Variants in SRI observed in about 807,000 individuals in gnomAD.
The protein encoded by SRI is sorcin, also known as 22 kDa protein.
SRI carries 30 observed loss-of-function variants against 33.3 expected under a neutral mutation model. The observed-to-expected ratio is 0.90, with a 90% CI of 0.67 to 1.22. The LOEUF is 1.22. Ranked by LOEUF, SRI falls within the 50% of genes most tolerant of loss-of-function variation. The pLI is 0.00. For missense variants in SRI, 243 were observed against 250.8 expected (o/e 0.97, Z 0.21); for synonymous variants, 75 against 89.9 (o/e 0.83, Z 0.94).
At chr7:88,215,462 A>C (rs747767151) in intron 3 of SRI, among the ~76,000 whole-genome samples, 6 of 152,244 alleles carry the variant, frequency 3.9e-5, no homozygotes, top group Non-Finnish European at 8.8e-5. Flanking sequence ...CCCTGCTAAT[A>C]GGCAGGCCTA....
In SRI at chr7:88,217,191, C is replaced by G; in HGVS notation, c.136G>C (p.Asp46His). 6.2e-7 allele frequency: 1 copy of G among 1,611,746 alleles called. No homozygotes were observed. Among genetic ancestry groups the G allele is most frequent in the Non-Finnish European group, 8.5e-7 (1 of 1,179,638 alleles). Residue 46 changes from aspartate (D) to histidine (H), a missense_variant and splice_region_variant, in exon 3 of 8, where the codon GAT becomes CAT. Coordinates refer to ENST00000265729, the MANE Select transcript of SRI (RefSeq NM_003130.4). Reference protein sequence around the residue: ...YGYFAAVAGQDGQIDADELQR... With the variant: ...YGYFAAVAGQHGQIDADELQR... Reference sequence around the variant, plus strand: ...AATTCATCAGCATCTATCTGCCCATCCTTTTGAAAAAAAATTAGAGGAATC... The same window carrying G: ...AATTCATCAGCATCTATCTGCCCATGCTTTTGAAAAAAAATTAGAGGAATC...
chr7:88,207,987 CAAA>C (rs878930622), intron 7 of SRI: 43 of 122,338 alleles, frequency 3.5e-4, no homozygotes, highest in African/African-American at 1.2e-3. Flanking sequence ...GACTCCATCT[CAAA>C]AAAAAAAAAA....
rs1185552123 is a variant in SRI, at chr7:88,210,940, A to C, written c.206-15T>G. On this transcript the variant is annotated splice_polypyrimidine_tract_variant and intron_variant, in intron 3 of 7. Coordinates refer to ENST00000265729, the MANE Select transcript of SRI (RefSeq NM_003130.4). ...CAGGTTAAAAGCTGTTAAATCAAGA[A>C]AAGTACATACATATTAACACAAATC... 1 of 1,611,600 alleles carries C rather than the reference A, an allele frequency of 6.2e-7. No homozygotes were observed. The highest frequency in any genetic ancestry group is 1.7e-5 in the Admixed American group (1 of 60,004).
chr7:88,218,692 C>A, intron 2 of SRI, 167 bp downstream of exon 2: 1 of 610,976 alleles, frequency 1.6e-6, no homozygotes, highest in South Asian at 1.8e-5. Context: ...CTCATTTATT[C>A]TGAACATTCA....
At chr7:88,221,809 G>A (rs113014393), upstream of SRI, among the ~76,000 whole-genome samples, 429 of 150,534 alleles carry the variant, frequency 2.8e-3, 2 homozygotes, top group African/African-American at 0.01. Flanking sequence ...TCTAGCATTA[G>A]GTATATCTCC....
At chr7:88,221,976 A>G (rs1851898563), upstream of SRI, among the ~76,000 whole-genome samples, 3 of 148,286 alleles carry the variant, frequency 2.0e-5, no homozygotes, top group South Asian at 6.7e-4. Context: ...ACTGAGAATG[A>G]TGATTTCCAA....
upstream of SRI, chr7:88,220,090 C>T (rs913249341): frequency 1.0e-5 from 15 of 1,455,480 alleles, no homozygotes; most frequent in African/African-American, 1.5e-5. Context: ...CCTGCCCCGC[C>T]CCGCCCTGCC....
upstream of SRI, among the ~76,000 whole-genome samples, chr7:88,221,689 A>AT (rs200024309): frequency 1.1e-3 from 167 of 151,464 alleles, 1 homozygote; most frequent in African/African-American, 3.6e-3. Flanking sequence ...AAAGAATTGA[A>AT]TTTTTTTTTT....
At chr7:88,226,890 A>G (rs1852010908) in intron 1 of SRI, 8 of 1,612,086 alleles carry the variant, frequency 5.0e-6, no homozygotes, top group Middle Eastern at 1.7e-4. Context: ...CTAATATTAT[A>G]TACATATCAT....
At chr7:88,226,562 A>T (rs1325126054) in intron 1 of SRI, among the ~76,000 whole-genome samples, 2 of 152,214 alleles carry the variant, frequency 1.3e-5, no homozygotes, top group African/African-American at 2.4e-5. Flanking sequence ...AGGAAGAATG[A>T]CTGTTCTTGA....
rs778621866 is a variant in SRI, at chr7:88,209,436, G to A, written c.414C>T (p.Pro138=). The A allele has an allele frequency of 6.2e-7, 1 of 1,613,764 alleles. No individual in the cohort carries two copies. Among genetic ancestry groups the A allele is most frequent in the Non-Finnish European group, 8.5e-7 (1 of 1,179,788 alleles). Residue 138 remains proline (P), a synonymous_variant, in exon 6 of 8, where the codon CCC becomes CCT. Coordinates refer to ENST00000265729, the MANE Select transcript of SRI (RefSeq NM_003130.4). ...GTTTTGCAATTGAATTCACAGCCTG[G>A]GGACTCAACCTAAATCCTAAAAGAA... The part of the protein sequence containing the change: ...ALTTMGFRLS[P]QAVNSIAKRY...
upstream of SRI, among the ~76,000 whole-genome samples, chr7:88,222,541 T>C (rs1851911016): frequency 6.6e-6 from 1 of 152,016 alleles, no homozygotes; most frequent in Non-Finnish European, 1.5e-5. Flanking sequence ...GGTTGTTTGT[T>C]TTTTTCTTGT....
chr7:88,220,085 C>T (rs1851852238), upstream of SRI: 10 of 1,459,008 alleles, frequency 6.9e-6, no homozygotes, highest in Non-Finnish European at 9.0e-6. Context: ...CGCCCCCTGC[C>T]CCGCCCCGCC....
At chr7:88,219,683 T>C (rs1851834675) in intron 1 of SRI, among the ~76,000 whole-genome samples, 1 of 151,928 alleles carries the variant, frequency 6.6e-6, no homozygotes, top group Non-Finnish European at 1.5e-5. Flanking sequence ...CAACACCCAA[T>C]TAACACGATT....
At chr7:88,226,791 G>C (rs1563481066) in intron 1 of SRI, 1 of 1,049,810 alleles carries the variant, frequency 9.5e-7, no homozygotes, top group Middle Eastern at 2.3e-4. Context: ...TCTCAGCTTG[G>C]AAACCCATGG....
intron 3 of SRI, among the ~76,000 whole-genome samples, chr7:88,211,993 T>C (rs1029818776): frequency 6.6e-6 from 1 of 152,182 alleles, no homozygotes; most frequent in African/African-American, 2.4e-5. Context: ...ACTGAAGAAA[T>C]TGTATAGGTA....
At chr7:88,220,474 C>T (rs1679015885), upstream of SRI, among the ~76,000 whole-genome samples, 1 of 151,982 alleles carries the variant, frequency 6.6e-6, no homozygotes, top group African/African-American at 2.4e-5. Flanking sequence ...GAGGCAGGGG[C>T]TGGATGCGTT....
intron 5 of SRI, 73 bp from the exon 6 acceptor site, chr7:88,209,525 C>A (rs1271369960): frequency 5.8e-6 from 7 of 1,211,208 alleles, no homozygotes; most frequent in African/African-American, 1.5e-5. Flanking sequence ...TAATCAAGCA[C>A]TATTTTATTT....
upstream of SRI, chr7:88,220,076 GC>G (rs1412268440): frequency 1.4e-6 from 2 of 1,476,020 alleles, no homozygotes; most frequent in Non-Finnish European, 8.9e-7. Flanking sequence ...AGGCCTCTCC[GC>G]CCCCTGCCCC....
Sources: gnomAD v4.1 joint callset for allele counts (sites outside exome capture counted in the v4.1 genomes callset) on GRCh38, gnomAD v4.1.1 for gene constraint, MANE v1.5 for transcripts, NCBI Gene and HGNC (gene_info 2026-07-23, HGNC 2026-07-21) for gene names.